XRCC4: variants seen among roughly 807,000 people sequenced by gnomAD.
XRCC4 encodes the protein X-ray repair cross complementing 4, also known as DNA repair protein XRCC4.
A neutral mutation model predicts 39.1 loss-of-function variants in XRCC4; 28 were observed. The ratio of observed to expected loss-of-function variants is 0.72; its 90% confidence interval spans 0.53 to 0.98. XRCC4 has a LOEUF of 0.98. Ranked by LOEUF, XRCC4 falls within the 50% of genes least tolerant of loss-of-function variation. XRCC4 has a pLI of 0.00. For missense variants in XRCC4, 350 were observed against 376.4 expected, an observed-to-expected ratio of 0.93 and a Z score of 0.58; for synonymous variants, 123 against 126.4, an observed-to-expected ratio of 0.97 and a Z score of 0.18.
intron 7 of XRCC4, among the ~76,000 whole-genome samples, chr5:83,307,036 GCA>G (rs1755515098): frequency 6.6e-6 from 1 of 152,162 alleles, no homozygotes; most frequent in Admixed American, 6.5e-5. Context: ...GCCAGAGTAA[GCA>G]CACACTTCAC....
rs180742807 is a variant in XRCC4, at chr5:83,126,587, G to T, written c.315+15384G>T. On this transcript the variant is annotated intron_variant, in intron 3 of 7. Coordinates refer to ENST00000396027, the MANE Select transcript of XRCC4 (RefSeq NM_003401.5). ...AGCCCCCACAAAGTCAATGCCCAGGGGAACTGTGGGGTATAAGCTGCTACT... is the reference window on the plus strand; with the variant it reads ...AGCCCCCACAAAGTCAATGCCCAGGTGAACTGTGGGGTATAAGCTGCTACT... Among the ~76,000 whole-genome samples the T allele has an allele frequency of 3.5e-3, 538 of 152,254 alleles. 5 individuals are homozygous for T. Among genetic ancestry groups the T allele is most frequent in the South Asian group, 0.02 (95 of 4,820 alleles).
At chr5:83,133,679 T>C (rs1747726231) in intron 3 of XRCC4, among the ~76,000 whole-genome samples, 1 of 152,180 alleles carries the variant, frequency 6.6e-6, no homozygotes, top group African/African-American at 2.4e-5. Context: ...GGCATGGGAC[T>C]CTCCAAGCCA....
chr5:83,149,811 C>T (rs1419615430), intron 3 of XRCC4, among the ~76,000 whole-genome samples: 1 of 152,006 alleles, frequency 6.6e-6, no homozygotes, highest in African/African-American at 2.4e-5. Context: ...GGTTGGTATA[C>T]TCTGTTACAA....
chr5:83,323,731 T>A (rs1043859164), intron 7 of XRCC4, among the ~76,000 whole-genome samples: 1 of 135,598 alleles, frequency 7.4e-6, no homozygotes, highest in African/African-American at 3.3e-5. Flanking sequence ...TCTGATACTG[T>A]GTTTGGAACT....
chr5:83,214,481 T>G (rs191661246), intron 6 of XRCC4, among the ~76,000 whole-genome samples: 23 of 152,228 alleles, frequency 1.5e-4, no homozygotes, highest in Admixed American at 7.8e-4. Flanking sequence ...CAGAAACTCA[T>G]GATGCCAAGG....
intron 3 of XRCC4, among the ~76,000 whole-genome samples, chr5:83,150,426 T>C (rs1748648623): frequency 6.6e-6 from 1 of 152,158 alleles, no homozygotes; most frequent in Non-Finnish European, 1.5e-5. Context: ...TGTAACTGTG[T>C]AGTCTGATGA....
At chr5:83,115,199 G>T (rs1368927061) in intron 3 of XRCC4, among the ~76,000 whole-genome samples, 2 of 152,128 alleles carry the variant, frequency 1.3e-5, no homozygotes, top group African/African-American at 4.8e-5. Flanking sequence ...AGGCTGAGAT[G>T]GGCGGATCAC....
intron 3 of XRCC4, among the ~76,000 whole-genome samples, chr5:83,179,166 T>G (rs1750094113): frequency 1.3e-5 from 2 of 152,212 alleles, no homozygotes; most frequent in Admixed American, 6.5e-5. Flanking sequence ...AGAAGCATTT[T>G]TAGTGTTTTC....
intron 1 of XRCC4, among the ~76,000 whole-genome samples, chr5:83,096,331 C>A (rs1479728271): frequency 6.6e-6 from 1 of 152,034 alleles, no homozygotes; most frequent in African/African-American, 2.4e-5. Context: ...GGGGCTGGAG[C>A]TGAATTATAG....
intron 1 of XRCC4, among the ~76,000 whole-genome samples, chr5:83,100,328 A>T (rs1290069230): frequency 2.6e-5 from 4 of 152,166 alleles, no homozygotes; most frequent in Non-Finnish European, 5.9e-5. Context: ...AATAATTCAA[A>T]GATGTTCTTA....
At chr5:83,106,041 T>C (rs1255268034) in intron 2 of XRCC4, among the ~76,000 whole-genome samples, 1 of 152,164 alleles carries the variant, frequency 6.6e-6, no homozygotes, top group Non-Finnish European at 1.5e-5. Context: ...GTAATGTTGA[T>C]GTAGGGATTC....
the XRCC4 span, among the ~76,000 whole-genome samples, chr5:83,371,142 T>G: frequency 6.6e-6 from 1 of 152,180 alleles, no homozygotes. Flanking sequence ...CTCTTTGTCT[T>G]GAGTATCCCT....
intron 7 of XRCC4, among the ~76,000 whole-genome samples, chr5:83,298,636 T>G (rs1194030817): frequency 6.6e-6 from 1 of 151,978 alleles, no homozygotes. Flanking sequence ...CTCTCTGGCA[T>G]AGTACATTAA....
rs422064 is a variant in XRCC4 at position 83,300,633 on chromosome 5, C to A, written c.893+41956C>A. Among the ~76,000 whole-genome samples the A allele has an allele frequency of 2.0e-3, 283 of 140,528 alleles. 2 individuals are homozygous for A. The highest frequency in any genetic ancestry group is 6.8e-3 in the African/African-American group (258 of 38,108). 92.2% of individuals were successfully genotyped at this position (140,528 alleles called of 152,430 possible). A position where few individuals can be genotyped will look rare whatever the true frequency, so the allele number is the denominator to read the frequency against. ...TTCTGGGATACATATGCAGAACATG[C>A]ATGTTTGTTACATAGTATACATGTG... On this transcript the variant is annotated intron_variant, in intron 7 of 7. Transcript: ENST00000396027.
At chr5:83,149,208 A>C (rs954135266) in intron 3 of XRCC4, among the ~76,000 whole-genome samples, 4 of 152,186 alleles carry the variant, frequency 2.6e-5, no homozygotes, top group African/African-American at 9.6e-5. Flanking sequence ...TGGATCTTGA[A>C]ATGTGAGAAA....
intron 7 of XRCC4, among the ~76,000 whole-genome samples, chr5:83,322,559 A>G (rs927331746): frequency 3.3e-5 from 5 of 152,166 alleles, no homozygotes; most frequent in Non-Finnish European, 7.4e-5. Flanking sequence ...TCATATGGCA[A>G]AGACTTTGTG....
At chr5:83,098,290 C>A (rs1745770632) in intron 1 of XRCC4, among the ~76,000 whole-genome samples, 1 of 152,062 alleles carries the variant, frequency 6.6e-6, no homozygotes, top group South Asian at 2.1e-4. Context: ...TATACATCAG[C>A]TGTATATTAC....
rs186003569 is a variant in XRCC4 at position 83,178,906 on chromosome 5, C to T, written c.316-16864C>T. ...GACTCCAATGTGTAACATTCACTGT[C>T]ACCTCTGAGGCTTTGCATGTGGTAC... is the stretch of plus-strand genomic sequence containing the variant. On this transcript the variant is annotated intron_variant, in intron 3 of 7. Coordinates refer to ENST00000396027, the MANE Select transcript of XRCC4 (RefSeq NM_003401.5). 1.5e-3 allele frequency among the ~76,000 whole-genome samples: 227 copies of T among 152,250 alleles called. 2 individuals carry two copies. The highest frequency in any genetic ancestry group is 5.1e-3 in the African/African-American group (213 of 41,552).
chr5:83,314,612 T>C (rs1040181686), intron 7 of XRCC4, among the ~76,000 whole-genome samples: 4 of 152,300 alleles, frequency 2.6e-5, no homozygotes, highest in Non-Finnish European at 4.4e-5. Context: ...CAAAAGCATG[T>C]GGTCACTTTG....
Sources: gnomAD v4.1 joint callset for allele counts (sites outside exome capture counted in the v4.1 genomes callset) on GRCh38, gnomAD v4.1.1 for gene constraint, MANE v1.5 for transcripts, NCBI Gene and HGNC (gene_info 2026-07-23, HGNC 2026-07-21) for gene names.